MYT1L: variants seen among roughly 807,000 people sequenced by gnomAD.
MYT1L encodes myelin transcription factor 1-like protein.
A neutral mutation model predicts 126.7 loss-of-function variants in MYT1L; 12 were observed. The ratio of observed to expected loss-of-function variants is 0.09; its 90% CI spans 0.06 to 0.15. The LOEUF (loss-of-function observed/expected upper bound fraction) is 0.15, where lower values mean the gene tolerates loss of function less well. Among genes scored for constraint, MYT1L ranks in the 10% least tolerant of loss-of-function variants. The probability of loss-of-function intolerance (pLI) is 1.00; values close to 1 mark genes in which losing one functional copy is unlikely to be tolerated. For synonymous variants in MYT1L, 541 were observed against 604.2 expected (o/e 0.90, Z 1.53); for missense variants, 979 against 1,585.2 (o/e 0.62, Z 6.49).
chr2:1,871,659 C>T (rs2046304408), intron 18 of MYT1L, among the ~76,000 whole-genome samples: 1 of 152,212 alleles, frequency 6.6e-6, no homozygotes, highest in Admixed American at 6.5e-5. Flanking sequence ...ATGCCCGGCC[C>T]AGCTGCTCCC....
Position 1,829,287 on chromosome 2 carries a change from ACCTGTG to A in MYT1L, c.3080+9856_3080+9861del, listed in dbSNP as rs1350596312. ...CACCTGTGAACTGACCCTCCCATAC[ACCTGTG>A]AACTGACCCTCCCATACACCTGTGA... On this transcript the variant is annotated intron_variant, in intron 21 of 24. Coordinates refer to ENST00000647738, the MANE Select transcript of MYT1L (RefSeq NM_001303052.2). 2.2e-4 allele frequency among the ~76,000 whole-genome samples: 33 copies of A among 150,466 alleles called. 2 individuals carry two copies. Among genetic ancestry groups the A allele is most frequent in the African/African-American group, 5.4e-4 (22 of 40,880 alleles).
chr2:2,047,946 T>C (rs1428644500), intron 4 of MYT1L, among the ~76,000 whole-genome samples: 2 of 152,206 alleles, frequency 1.3e-5, no homozygotes, highest in African/African-American at 4.8e-5. Context: ...TCCAGGCTTC[T>C]AGAAGAAAAA....
chr2:2,020,956 A>G (rs1558762028), intron 4 of MYT1L, among the ~76,000 whole-genome samples: 1 of 152,200 alleles, frequency 6.6e-6, no homozygotes, highest in Admixed American at 6.5e-5. Flanking sequence ...AAGACCGAGG[A>G]CCTTCCCTCC....
chr2:1,910,317 C>T lies in MYT1L; in HGVS notation c.1740G>A (p.Glu580=). 1 of 1,612,642 alleles carries T rather than the reference C, an allele frequency of 6.2e-7. No homozygotes were observed. Among genetic ancestry groups the T allele is most frequent in the Non-Finnish European group, 8.5e-7 (1 of 1,179,896 alleles). ...SLSGCPIAAA[E]KLAKAQEKHQ... is the part of the protein sequence containing the mutation. ...GCTTTTCCTGTGCCTTGGCCAGTTT[C>T]TCTGCTGCAGCGATCGGGCATCCGG... Residue 580 remains glutamate (E), a synonymous_variant, in exon 13 of 25, where the codon GAG becomes GAA. Coordinates refer to ENST00000647738, the MANE Select transcript of MYT1L (RefSeq NM_001303052.2). This position sits in a 1 kb window ranked among gnomAD's most constrained non-coding sequence, Gnocchi z 4.8.
intron 1 of MYT1L, among the ~76,000 whole-genome samples, chr2:2,294,579 G>A (rs1455098643): frequency 6.6e-6 from 1 of 151,996 alleles, no homozygotes; most frequent in African/African-American, 2.4e-5. Flanking sequence ...AGGAAAGAGA[G>A]GGCAGACAGT....
intron 3 of MYT1L, among the ~76,000 whole-genome samples, chr2:2,098,345 T>A (rs2077679208): frequency 6.6e-6 from 1 of 152,236 alleles, no homozygotes; most frequent in South Asian, 2.1e-4. Flanking sequence ...TTGAATAAGA[T>A]CATGTGGAGA....
chr2:1,836,441 C>G lies in MYT1L; in HGVS notation c.3080+2708G>C, dbSNP rs188392923. ...GCCCCCAAGATTCCATCAGCCTGCA[C>G]TCCAACATTCCATCAGCCTGTGCCC... On this transcript the variant is annotated intron_variant, in intron 21 of 24. Transcript: ENST00000647738. 6.0e-5 allele frequency among the ~76,000 whole-genome samples: 9 copies of G among 151,180 alleles called. No individual in the cohort carries two copies. The East Asian group carries it at 1.6e-3, about 27-fold the overall frequency.
intron 19 of MYT1L, 87 bp downstream of exon 19, chr2:1,851,554 G>A (rs947905555): frequency 1.6e-5 from 22 of 1,352,820 alleles, no homozygotes; most frequent in African/African-American, 7.3e-5. Context: ...GTCAAACTTC[G>A]CAAGGCTTGG....
chr2:2,236,494 G>GCACATCCC (rs2094310196), intron 2 of MYT1L, among the ~76,000 whole-genome samples: 36 of 43,160 alleles, frequency 8.3e-4, no homozygotes, highest in South Asian at 1.1e-3. Flanking sequence ...CAGCACATCC[G>GCACATCCC]AACCCAACCC....
In MYT1L at chr2:1,979,537, T is replaced by C. The variant is rs2060442782; in HGVS notation, c.73A>G (p.Ile25Val). ...KGVRVPVEPA[I>V]QELFSCPTPG... is the part of the protein sequence containing the mutation. Reference sequence around the variant, plus strand: ...GGCACTAACCTGAACAGCTCTTGTATGGCTGGTTCCACGGGAACTGCAGAG... The same window carrying C: ...GGCACTAACCTGAACAGCTCTTGTACGGCTGGTTCCACGGGAACTGCAGAG... The change falls in exon 7 of 25, where the codon ATA becomes GTA. Residue 25 changes from isoleucine to valine, a missense_variant. By Grantham distance (29) the Ile-to-Val change is conservative. Transcript: ENST00000647738. This position sits in a 1 kb window ranked among gnomAD's most constrained non-coding sequence, Gnocchi z 4.0. 2 of 1,613,848 alleles carry C rather than the reference T, an allele frequency of 1.2e-6. No individual in the cohort carries two copies. Among genetic ancestry groups the C allele is most frequent in the Admixed American group, 1.7e-5 (1 of 60,022 alleles).
At chr2:1,878,520 T>C (rs1023358304) in intron 18 of MYT1L, among the ~76,000 whole-genome samples, 11 of 152,138 alleles carry the variant, frequency 7.2e-5, no homozygotes, top group African/African-American at 2.4e-4. Flanking sequence ...ATAAAATAAG[T>C]GTAAGGTTCT....
chr2:2,269,909 T>A (rs2095228540), intron 2 of MYT1L, among the ~76,000 whole-genome samples: 1 of 152,178 alleles, frequency 6.6e-6, no homozygotes, highest in African/African-American at 2.4e-5. Context: ...TGCCTCCAAA[T>A]CTATTCATGA....
At chr2:1,792,703 C>A (rs2032380891) in intron 23 of MYT1L, among the ~76,000 whole-genome samples, 1 of 151,984 alleles carries the variant, frequency 6.6e-6, no homozygotes. Context: ...AACCCTGTCT[C>A]TACTAAAAAT....
At chr2:2,014,454 CT>C (rs1183271082) in intron 4 of MYT1L, among the ~76,000 whole-genome samples, 1 of 152,168 alleles carries the variant, frequency 6.6e-6, no homozygotes, top group East Asian at 1.9e-4. Context: ...CAGGGCAGAG[CT>C]CAGCAGCAGC....
intron 14 of MYT1L, among the ~76,000 whole-genome samples, chr2:1,898,866 G>A (rs2148926388): frequency 6.6e-6 from 1 of 152,352 alleles, no homozygotes; most frequent in East Asian, 1.9e-4. Flanking sequence ...AGAGGGCCAG[G>A]GAGGTGCACT....
At chr2:2,215,491 A>G (rs115588217) in intron 2 of MYT1L, among the ~76,000 whole-genome samples, 2 of 152,358 alleles carry the variant, frequency 1.3e-5, no homozygotes, top group African/African-American at 2.4e-5. Context: ...GAAAATGACA[A>G]TCTTAAATAT....
At chr2:1,954,726 G>A (rs1175558323) in intron 8 of MYT1L, among the ~76,000 whole-genome samples, 1 of 152,080 alleles carries the variant, frequency 6.6e-6, no homozygotes, top group Non-Finnish European at 1.5e-5. Context: ...TTGAATGATA[G>A]TAATTACAAT....
intron 3 of MYT1L, among the ~76,000 whole-genome samples, chr2:2,100,983 C>T (rs920120828): frequency 2.0e-5 from 3 of 152,082 alleles, no homozygotes; most frequent in Admixed American, 6.6e-5. Flanking sequence ...TTACTCACAC[C>T]TGTAGCAGAG....
intron 1 of MYT1L, among the ~76,000 whole-genome samples, chr2:2,302,176 T>G (rs2095796165): frequency 6.6e-6 from 1 of 152,226 alleles, no homozygotes; most frequent in Non-Finnish European, 1.5e-5. Context: ...TGATATCCAT[T>G]ATCCATCCAT....
Sources: allele counts gnomAD v4.1 joint callset (sites outside exome capture counted in the v4.1 genomes callset), GRCh38; gene constraint gnomAD v4.1.1; non-coding constraint Gnocchi (gnomAD v3.1); transcripts MANE v1.5; gene names NCBI Gene and HGNC (gene_info 2026-07-23, HGNC 2026-07-21).